The following MET variants were observed in gnomAD, a reference collection of about 807,000 sequenced individuals.
MET encodes the protein MET proto-oncogene, receptor tyrosine kinase, also known as hepatocyte growth factor receptor.
Under a neutral mutation model 133.1 loss-of-function variants are expected in MET, and 48 were observed. That is an observed-to-expected ratio of 0.36 (90% CI 0.29 to 0.46). MET has a LOEUF of 0.46. Among genes scored for constraint, MET ranks in the 20% least tolerant of loss-of-function variants. The pLI is 1.00. For missense variants in MET, 1,442 were observed against 1,695.9 expected, an observed-to-expected ratio of 0.85 and a Z score of 2.63; for synonymous variants, 628 against 616.5, an observed-to-expected ratio of 1.02 and a Z score of -0.28.
intron 2 of MET, among the ~76,000 whole-genome samples, chr7:116,725,612 A>G (rs569243564): frequency 6.6e-6 from 1 of 151,664 alleles, no homozygotes; most frequent in South Asian, 2.1e-4. Context: ...GATATAGCCT[A>G]CTACACACCT....
Position 116,760,123 on chromosome 7 carries a change from A to T in MET, c.2364+633A>T, listed in dbSNP as rs540738780. Among the ~76,000 whole-genome samples the T allele has an allele frequency of 2.2e-4, 34 of 152,230 alleles. No homozygotes were observed. In the Middle Eastern group the frequency reaches 0.027, roughly 122 times the overall value. ...AGTCAGTACAAATGGAAATCACAGCATTTCCCTAGTCCCTTTTTAATGTGT... is the reference window on the plus strand; with the variant it reads ...AGTCAGTACAAATGGAAATCACAGCTTTTCCCTAGTCCCTTTTTAATGTGT... On this transcript the variant is annotated intron_variant, in intron 10 of 20. Transcript: ENST00000397752.
chr7:116,723,794 C>T (rs1437624012), intron 2 of MET, among the ~76,000 whole-genome samples: 2 of 152,110 alleles, frequency 1.3e-5, no homozygotes, highest in African/African-American at 4.8e-5. Context: ...TTAGGCTGCT[C>T]GGGGGTCAGG....
intron 1 of MET, among the ~76,000 whole-genome samples, chr7:116,682,920 C>A (rs1381129384): frequency 6.6e-6 from 1 of 152,152 alleles, no homozygotes; most frequent in Non-Finnish European, 1.5e-5. Flanking sequence ...TTCCATGTCA[C>A]CCATTATTAC....
At chr7:116,701,048 T>C (rs1791559186) in intron 2 of MET, among the ~76,000 whole-genome samples, 1 of 152,212 alleles carries the variant, frequency 6.6e-6, no homozygotes, top group Non-Finnish European at 1.5e-5. Flanking sequence ...TTGATGATTA[T>C]TTATACTTAT....
intron 5 of MET, among the ~76,000 whole-genome samples, chr7:116,751,231 A>G (rs1434979740): frequency 6.6e-6 from 1 of 152,214 alleles, no homozygotes; most frequent in African/African-American, 2.4e-5. Context: ...GCCATGGAAT[A>G]CTATGCAGCC....
chr7:116,792,322 A>G (rs1795526976), intron 19 of MET, among the ~76,000 whole-genome samples: 1 of 152,174 alleles, frequency 6.6e-6, no homozygotes, highest in Non-Finnish European at 1.5e-5. Flanking sequence ...AATGCTCAAA[A>G]TGGCTTGACC....
intron 2 of MET, among the ~76,000 whole-genome samples, chr7:116,705,749 C>A (rs577179703): frequency 2.4e-4 from 37 of 152,154 alleles, no homozygotes; most frequent in African/African-American, 8.9e-4. Flanking sequence ...CTTTTTCTTT[C>A]CTAGACACTA....
At chr7:116,757,307 A>C in intron 6 of MET, 130 bp from the exon 7 acceptor site, 1 of 756,782 alleles carries the variant, frequency 1.3e-6, no homozygotes, top group Non-Finnish European at 2.3e-6. Context: ...CTTAATGCTT[A>C]TCTTGAAACT....
chr7:116,691,977 T>C (rs1057493280), intron 1 of MET, among the ~76,000 whole-genome samples: 1 of 152,282 alleles, frequency 6.6e-6, no homozygotes, highest in South Asian at 2.1e-4. Flanking sequence ...GAGTTGCCGG[T>C]ATAAGAGACA....
At chr7:116,676,263 A>T (rs765133207) in intron 1 of MET, among the ~76,000 whole-genome samples, 1 of 152,248 alleles carries the variant, frequency 6.6e-6, no homozygotes, top group Non-Finnish European at 1.5e-5. Flanking sequence ...AGGCGATTAT[A>T]TAATGGGCAA....
intron 2 of MET, among the ~76,000 whole-genome samples, chr7:116,711,144 TC>T (rs1266134740): frequency 1.3e-5 from 2 of 152,286 alleles, no homozygotes; most frequent in Non-Finnish European, 2.9e-5. Context: ...AGCAAAGCTT[TC>T]CTTTTGTACT....
intron 2 of MET, among the ~76,000 whole-genome samples, chr7:116,726,268 T>C (rs1256777568): frequency 1.4e-5 from 2 of 146,684 alleles, no homozygotes; most frequent in Non-Finnish European, 3.0e-5. Context: ...ATCCTAGCAA[T>C]ATTCCTCCCC....
intron 8 of MET, 101 bp downstream of exon 8, chr7:116,757,875 A>T (rs775635934): frequency 7.5e-7 from 1 of 1,335,768 alleles, no homozygotes; most frequent in Non-Finnish European, 1.1e-6. Flanking sequence ...GAGAAGAAAA[A>T]TCAAGATGTT....
At chr7:116,688,174 C>T (rs760191152) in intron 1 of MET, among the ~76,000 whole-genome samples, 8 of 152,004 alleles carry the variant, frequency 5.3e-5, no homozygotes, top group Non-Finnish European at 8.8e-5. Flanking sequence ...ACTATTCAGT[C>T]GGTTTATCCT....
intron 1 of MET, among the ~76,000 whole-genome samples, chr7:116,690,809 G>T (rs1174998011): frequency 6.6e-6 from 1 of 152,130 alleles, no homozygotes; most frequent in Non-Finnish European, 1.5e-5. Context: ...GAAACTCTTA[G>T]TATCTAGTCA....
At chr7:116,763,428 A>G (rs1204008241) in intron 11 of MET, 160 bp downstream of exon 11, 8 of 712,948 alleles carry the variant, frequency 1.1e-5, no homozygotes, top group East Asian at 5.5e-5. Flanking sequence ...AAACTAAAAG[A>G]TAAGAATAAC....
At chr7:116,728,398 G>A (rs1258957308) in intron 2 of MET, among the ~76,000 whole-genome samples, 3 of 152,186 alleles carry the variant, frequency 2.0e-5, no homozygotes, top group Non-Finnish European at 4.4e-5. Flanking sequence ...GAGAAGACTT[G>A]AAGTGTGCAA....
chr7:116,763,837 G>T (rs1362073137), intron 11 of MET, among the ~76,000 whole-genome samples: 3 of 152,190 alleles, frequency 2.0e-5, no homozygotes, highest in East Asian at 1.9e-4. Context: ...ACCCAGAAAG[G>T]TTAAGTGATT....
chr7:116,716,297 GAGAGAGA>G (rs1792196119), intron 2 of MET, among the ~76,000 whole-genome samples: 1 of 107,034 alleles, frequency 9.3e-6, no homozygotes, highest in African/African-American at 4.2e-5. Context: ...GAGAGAGAGA[GAGAGAGA>G]GAGAGAGAGA....
Sources: gnomAD v4.1 joint callset for allele counts (sites outside exome capture counted in the v4.1 genomes callset) on GRCh38, gnomAD v4.1.1 for gene constraint, MANE v1.5 for transcripts, NCBI Gene and HGNC (gene_info 2026-07-23, HGNC 2026-07-21) for gene names.